RNF130: variants seen among roughly 807,000 people sequenced by gnomAD.
RNF130 encodes the protein ring finger protein 130.
Under a neutral mutation model 44.6 loss-of-function variants are expected in RNF130, and 21 were observed. The observed-to-expected ratio is 0.47, with a 90% CI of 0.33 to 0.68. The LOEUF (loss-of-function observed/expected upper bound fraction) is 0.68, where lower values mean the gene tolerates loss of function less well. Ranked by LOEUF, RNF130 falls within the 30% of genes least tolerant of loss-of-function variation. RNF130 has a pLI of 0.02. For missense variants in RNF130, 479 were observed against 560.6 expected (o/e 0.85, Z 1.47); for synonymous variants, 214 against 210.4 (o/e 1.02, Z -0.15).
At chr5:179,990,206 A>G (rs1403295298) in intron 3 of RNF130, among the ~76,000 whole-genome samples, 2 of 152,216 alleles carry the variant, frequency 1.3e-5, no homozygotes, top group Non-Finnish European at 2.9e-5. Flanking sequence ...TTGGATACAA[A>G]GTAAAAGGGG....
intron 2 of RNF130, among the ~76,000 whole-genome samples, chr5:180,029,818 G>A (rs927960608): frequency 6.6e-6 from 1 of 151,092 alleles, no homozygotes; most frequent in Non-Finnish European, 1.5e-5. Context: ...TGAGATTACA[G>A]GTGTGGGTCA....
intron 1 of RNF130, among the ~76,000 whole-genome samples, chr5:180,058,924 A>G (rs1764905238): frequency 6.6e-6 from 1 of 152,224 alleles, no homozygotes; most frequent in African/African-American, 2.4e-5. Context: ...GTCGCACAAC[A>G]GTGGAAATGT....
chr5:180,047,706 T>C (rs1390784031), intron 1 of RNF130, among the ~76,000 whole-genome samples: 2 of 152,126 alleles, frequency 1.3e-5, no homozygotes, highest in South Asian at 2.1e-4. Flanking sequence ...ATTGCACCAC[T>C]CCACTCCAGC....
intron 3 of RNF130, among the ~76,000 whole-genome samples, chr5:180,009,355 C>T (rs993691295): frequency 2.6e-5 from 4 of 152,088 alleles, no homozygotes; most frequent in African/African-American, 9.7e-5. Context: ...ACATATTTGA[C>T]GAAGGACTTG....
At chr5:179,925,538 C>A (rs1451916999) in intron 7 of RNF130, among the ~76,000 whole-genome samples, 1 of 151,800 alleles carries the variant, frequency 6.6e-6, no homozygotes, top group East Asian at 1.9e-4. Context: ...TTATTATTTT[C>A]TTCTTTTTGA....
intron 3 of RNF130, among the ~76,000 whole-genome samples, chr5:180,007,590 C>T (rs1763489717): frequency 6.6e-6 from 1 of 152,152 alleles, no homozygotes; most frequent in South Asian, 2.1e-4. Flanking sequence ...TTTCATCAAG[C>T]ATTTGTCAAC....
intron 7 of RNF130, among the ~76,000 whole-genome samples, chr5:179,926,377 G>C (rs1325827881): frequency 6.6e-6 from 1 of 152,178 alleles, no homozygotes; most frequent in Admixed American, 6.5e-5. Flanking sequence ...CGGGTGCGGT[G>C]GCTCATGCCT....
intron 5 of RNF130, among the ~76,000 whole-genome samples, chr5:179,972,569 T>A (rs978255061): frequency 1.3e-5 from 2 of 149,568 alleles, no homozygotes; most frequent in African/African-American, 5.0e-5. Context: ...AGGGCTCTGG[T>A]GCAGGAGTGA....
At chr5:179,933,970 G>C (rs900026845) in intron 7 of RNF130, 4 of 376,302 alleles carry the variant, frequency 1.1e-5, no homozygotes, top group African/African-American at 8.7e-5. Flanking sequence ...TCCAAGTTGG[G>C]GCTGATTATG....
intron 1 of RNF130, among the ~76,000 whole-genome samples, chr5:180,051,615 C>T (rs1027842788): frequency 9.9e-5 from 15 of 152,150 alleles, no homozygotes; most frequent in African/African-American, 3.6e-4. Context: ...GTCAACATGG[C>T]AGGAATGTCC....
chr5:179,966,760 C>T, intron 7 of RNF130, 46 bp downstream of exon 7: 13 of 1,561,572 alleles, frequency 8.3e-6, no homozygotes, highest in Non-Finnish European at 1.0e-5. Context: ...CGAATGCCCA[C>T]ATAGGCAGCC....
At chr5:180,033,831 C>T (rs1764189395) in intron 2 of RNF130, among the ~76,000 whole-genome samples, 1 of 152,130 alleles carries the variant, frequency 6.6e-6, no homozygotes, top group Non-Finnish European at 1.5e-5. Context: ...ACATACACAA[C>T]CTATGAATAA....
intron 2 of RNF130, chr5:180,015,414 G>T (rs1218524307): frequency 1.9e-6 from 1 of 514,510 alleles, no homozygotes; most frequent in Non-Finnish European, 4.1e-6. Flanking sequence ...TTAGAAATCA[G>T]TTGAGGCTCC....
Position 180,056,510 on chromosome 5 carries a change from T to C in RNF130, c.247+14946A>G, listed in dbSNP as rs544136993. On this transcript the variant is annotated intron_variant, in intron 1 of 8. Transcript: ENST00000521389. ...GGAGTGGGGGGTCTAAAGAGGGAAA[T>C]GCCTCAGTTTCTGGCAAAACACACT... Among the ~76,000 whole-genome samples, 103 of 152,218 alleles carry C rather than the reference T, an allele frequency of 6.8e-4. 1 individual carries two copies. The highest frequency in any genetic ancestry group is 2.4e-3 in the African/African-American group (98 of 41,534).
intron 5 of RNF130, among the ~76,000 whole-genome samples, chr5:179,974,326 A>G (rs1475102636): frequency 6.6e-6 from 1 of 152,136 alleles, no homozygotes; most frequent in Non-Finnish European, 1.5e-5. Flanking sequence ...TAACGACTAC[A>G]CACTCCGATG....
At chr5:180,037,848 A>G (rs1206018969) in intron 2 of RNF130, among the ~76,000 whole-genome samples, 1 of 152,166 alleles carries the variant, frequency 6.6e-6, no homozygotes, top group African/African-American at 2.4e-5. Flanking sequence ...TATGAATCTA[A>G]TCACAACATA....
In RNF130 at chr5:180,024,925, G is replaced by A. The variant is rs572643821; in HGVS notation, c.443-11614C>T. Among the ~76,000 whole-genome samples, 18 of 152,322 alleles carry A rather than the reference G, an allele frequency of 1.2e-4. No individual in the cohort carries two copies. In the South Asian group the frequency reaches 3.7e-3, roughly 32 times the overall value. ...GGGGGTGTCTGGAAGCCCTGTGGGAGGGGTCTCCATGCTGTCGCAGGCGCA... is the reference window on the plus strand; with the variant it reads ...GGGGGTGTCTGGAAGCCCTGTGGGAAGGGTCTCCATGCTGTCGCAGGCGCA... On this transcript the variant is annotated intron_variant, in intron 2 of 8. Transcript: ENST00000521389.
At chr5:179,965,898 C>G (rs1466490993) in intron 7 of RNF130, among the ~76,000 whole-genome samples, 1 of 152,156 alleles carries the variant, frequency 6.6e-6, no homozygotes, top group Admixed American at 6.5e-5. Context: ...CATTTTGTAA[C>G]AGTGTCATCC....
intron 2 of RNF130, among the ~76,000 whole-genome samples, chr5:180,016,057 G>A (rs931145202): frequency 3.9e-5 from 6 of 152,208 alleles, no homozygotes; most frequent in Non-Finnish European, 2.9e-5. Flanking sequence ...CGCTCGCGGT[G>A]GCGTCATTAC....
Sources: gnomAD v4.1 joint callset for allele counts (sites outside exome capture counted in the v4.1 genomes callset) on GRCh38, gnomAD v4.1.1 for gene constraint, MANE v1.5 for transcripts, NCBI Gene and HGNC (gene_info 2026-07-23, HGNC 2026-07-21) for gene names.